The following PRR16 variants were observed in gnomAD, a reference collection of about 807,000 sequenced individuals.
PRR16 encodes proline rich 16, also known as protein Largen.
In PRR16, 6 loss-of-function variants were observed where a neutral mutation model predicts 18.2. The observed-to-expected ratio is 0.33, with a 90% CI of 0.18 to 0.65. The LOEUF (loss-of-function observed/expected upper bound fraction) is 0.65, where lower values mean the gene tolerates loss of function less well. Among genes scored for constraint, PRR16 ranks in the 30% least tolerant of loss-of-function variants. The probability of loss-of-function intolerance (pLI) is 0.74; values close to 1 mark genes in which losing one functional copy is unlikely to be tolerated. For missense variants in PRR16, 412 were observed against 376.6 expected, an observed-to-expected ratio of 1.09 and a Z score of -0.78; for synonymous variants, 151 against 147.8, an observed-to-expected ratio of 1.02 and a Z score of -0.16.
chr5:120,698,494 G>A, the PRR16 span, among the ~76,000 whole-genome samples: 1 of 115,114 alleles, frequency 8.7e-6, no homozygotes, highest in Non-Finnish European at 1.9e-5. Context: ...TATCAGCTGT[G>A]ATGGCTTGGA....
chr5:120,469,729 A>C (rs953973919), intron 1 of PRR16, among the ~76,000 whole-genome samples: 1 of 152,024 alleles, frequency 6.6e-6, no homozygotes, highest in Non-Finnish European at 1.5e-5. Context: ...ACCACAGTCT[A>C]CCTCCCCAAA....
chr5:120,465,929 C>G (rs1371806833), intron 1 of PRR16, among the ~76,000 whole-genome samples: 1 of 152,158 alleles, frequency 6.6e-6, no homozygotes, highest in Non-Finnish European at 1.5e-5. Context: ...AGAGCCCCCT[C>G]GTCTTCCTCC....
Position 120,686,463 on chromosome 5 carries a change from G to C in PRR16, c.669G>C (p.Arg223=), listed in dbSNP as rs776392101. ...GCTATTGTCCTGACTGTGATACCCG[G>C]TATAACATAAAAAACAGGGAGGTCC... ...YHGYCPDCDT[R]YNIKNREVHL... is the part of the protein sequence containing the mutation. The change falls in exon 2 of 2, where the codon CGG becomes CGC. Residue 223 remains arginine (R), a synonymous_variant. Coordinates refer to ENST00000407149, the MANE Select transcript of PRR16 (RefSeq NM_001300783.2). 1 of 1,614,036 alleles carries C rather than the reference G, an allele frequency of 6.2e-7. No individual in the cohort carries two copies. The highest frequency in any genetic ancestry group is 2.2e-5 in the East Asian group (1 of 44,880).
At chr5:120,547,924 A>G (rs1450785092) in intron 1 of PRR16, among the ~76,000 whole-genome samples, 2 of 152,064 alleles carry the variant, frequency 1.3e-5, no homozygotes, top group Non-Finnish European at 2.9e-5. Context: ...ATAGAAGTTT[A>G]CTTTAGCAAT....
At chr5:120,573,064 A>G (rs1260681323) in intron 1 of PRR16, among the ~76,000 whole-genome samples, 1 of 152,138 alleles carries the variant, frequency 6.6e-6, no homozygotes, top group Non-Finnish European at 1.5e-5. Flanking sequence ...TGTCTCCCAA[A>G]ATGAAACACC....
chr5:120,647,728 A>T (rs1755646150), intron 1 of PRR16, among the ~76,000 whole-genome samples: 1 of 152,066 alleles, frequency 6.6e-6, no homozygotes, highest in Admixed American at 6.6e-5. Context: ...TTTACATTTT[A>T]TACAGCCTAG....
the PRR16 span, among the ~76,000 whole-genome samples, chr5:120,781,007 G>T: frequency 6.6e-6 from 1 of 152,110 alleles, no homozygotes; most frequent in Non-Finnish European, 1.5e-5. Context: ...CCGAGATCGC[G>T]CCACTGCCCT....
intron 1 of PRR16, among the ~76,000 whole-genome samples, chr5:120,513,763 T>C (rs1321198987): frequency 1.6e-5 from 2 of 124,244 alleles, no homozygotes; most frequent in Non-Finnish European, 3.2e-5. Context: ...ATCTGTTTTC[T>C]TTTTTTTTTT....
chr5:120,698,957 A>G, the PRR16 span, among the ~76,000 whole-genome samples: 1 of 152,142 alleles, frequency 6.6e-6, no homozygotes, highest in Non-Finnish European at 1.5e-5. Context: ...AAACTGAGGA[A>G]TTATGTCTGA....
chr5:120,553,109 C>G (rs939304987), intron 1 of PRR16, among the ~76,000 whole-genome samples: 1 of 151,612 alleles, frequency 6.6e-6, no homozygotes, highest in Non-Finnish European at 1.5e-5. Flanking sequence ...TTGCAAAATT[C>G]TACATGGATT....
At chr5:120,716,182 G>A in the PRR16 span, among the ~76,000 whole-genome samples, 3 of 152,078 alleles carry the variant, frequency 2.0e-5, no homozygotes, top group Non-Finnish European at 4.4e-5. Flanking sequence ...ATTTATTGGG[G>A]TCTTTCTTTG....
At chr5:120,658,123 T>C (rs1756047609) in intron 1 of PRR16, 2 of 152,054 alleles carry the variant, frequency 1.3e-5, no homozygotes, top group African/African-American at 2.4e-5. Context: ...TTAAATTCAA[T>C]TTTCCCTCTG....
intron 1 of PRR16, among the ~76,000 whole-genome samples, chr5:120,560,104 A>G (rs949282831): frequency 2.0e-5 from 3 of 151,922 alleles, no homozygotes; most frequent in Admixed American, 6.6e-5. Flanking sequence ...GGTATCTTTC[A>G]TTCCAATTTG....
At chr5:120,621,947 C>G (rs1042782882) in intron 1 of PRR16, among the ~76,000 whole-genome samples, 5 of 152,164 alleles carry the variant, frequency 3.3e-5, no homozygotes, top group African/African-American at 1.2e-4. Context: ...CAAACTGGCT[C>G]ACTGTATTAT....
chr5:120,740,540 G>A, the PRR16 span, among the ~76,000 whole-genome samples: 2 of 152,126 alleles, frequency 1.3e-5, no homozygotes, highest in Non-Finnish European at 2.9e-5. Flanking sequence ...CTATACATGT[G>A]TGGGTCTATT....
At chr5:120,483,839 C>T (rs1008488950) in intron 1 of PRR16, among the ~76,000 whole-genome samples, 1 of 152,032 alleles carries the variant, frequency 6.6e-6, no homozygotes, top group Non-Finnish European at 1.5e-5. Flanking sequence ...CAAAGAAATA[C>T]CTACAGTTGG....
rs142308870 is a variant in PRR16 at position 120,470,911 on chromosome 5, T to G, written c.159+6266T>G. ...GCCAAGCTCTTTCACGTTTCCTATT[T>G]TTTTTTTAACATTTTCTTAGAAGTC... On this transcript the variant is annotated intron_variant, in intron 1 of 1. Coordinates refer to ENST00000407149, the MANE Select transcript of PRR16 (RefSeq NM_001300783.2). 3.1e-3 allele frequency among the ~76,000 whole-genome samples: 469 copies of G among 152,250 alleles called. 4 individuals are homozygous for G. Among genetic ancestry groups the G allele is most frequent in the African/African-American group, 0.011 (453 of 41,544 alleles).
chr5:120,648,605 G>A (rs1204147078), intron 1 of PRR16, among the ~76,000 whole-genome samples: 1 of 152,102 alleles, frequency 6.6e-6, no homozygotes, highest in Non-Finnish European at 1.5e-5. Flanking sequence ...ATACAGAGCT[G>A]AAAGTGGCAA....
chr5:120,585,744 A>C (rs1343449266), intron 1 of PRR16, among the ~76,000 whole-genome samples: 1 of 152,064 alleles, frequency 6.6e-6, no homozygotes, highest in Non-Finnish European at 1.5e-5. Context: ...TGTGTTATTC[A>C]ATACTTCAAG....
Sources: gnomAD v4.1 joint callset for allele counts (sites outside exome capture counted in the v4.1 genomes callset) on GRCh38, gnomAD v4.1.1 for gene constraint, MANE v1.5 for transcripts, NCBI Gene and HGNC (gene_info 2026-07-23, HGNC 2026-07-21) for gene names.